Variants in SYNCRIP observed in about 807,000 individuals in gnomAD.
SYNCRIP encodes synaptotagmin binding cytoplasmic RNA interacting protein, also known as heterogeneous nuclear ribonucleoprotein Q.
A neutral mutation model predicts 68.9 loss-of-function variants in SYNCRIP; 9 were observed. That is an observed-to-expected ratio of 0.13 (90% CI 0.08 to 0.23). SYNCRIP has a LOEUF of 0.23. Ranked by LOEUF, SYNCRIP falls within the 10% of genes least tolerant of loss-of-function variation. The pLI is 1.00. For synonymous variants in SYNCRIP, 258 were observed against 254.0 expected, an observed-to-expected ratio of 1.02 and a Z score of -0.15; for missense variants, 414 against 770.6, an observed-to-expected ratio of 0.54 and a Z score of 5.48.
chr6:85,643,734 C>T (rs1193372447), upstream of SYNCRIP: 1 of 151,824 alleles, frequency 6.6e-6, no homozygotes, highest in African/African-American at 2.4e-5. Flanking sequence ...ACTGCCGCTT[C>T]CCGGAGGGCA....
intron 8 of SYNCRIP, among the ~76,000 whole-genome samples, chr6:85,621,517 G>A (rs1364650650): frequency 6.6e-6 from 1 of 151,652 alleles, no homozygotes; most frequent in Non-Finnish European, 1.5e-5. Flanking sequence ...GGAGGCTGAG[G>A]TGAGAAGATC....
chr6:85,617,917 C>T (rs979061390), intron 10 of SYNCRIP, among the ~76,000 whole-genome samples: 2 of 152,194 alleles, frequency 1.3e-5, no homozygotes, highest in Admixed American at 6.5e-5. Flanking sequence ...ACTAAGTTTC[C>T]TTCAGTCTTA....
chr6:85,635,470 C>T (rs1466108118), intron 6 of SYNCRIP, among the ~76,000 whole-genome samples: 3 of 152,068 alleles, frequency 2.0e-5, no homozygotes, highest in African/African-American at 4.8e-5. Context: ...ATTCACACAA[C>T]ATAGAAAAGG....
chr6:85,640,231 G>A lies in SYNCRIP; in HGVS notation c.365C>T (p.Ala122Val), dbSNP rs1402100488. The part of the protein sequence containing the change: ...VADSSKGPDE[A>V]KIKALLERTG... The stretch of plus-strand genomic sequence containing the variant: ...TATAGAAAGACATACCTTAATTTTT[G>A]CCTCATCTGGTCCTTTACTAGAATC... Residue 122 changes from alanine to valine, a missense_variant, in exon 4 of 11, where the codon GCA (alanine) becomes GTA (valine). By Grantham distance (64) the Ala-to-Val change is moderately conservative. Transcript: ENST00000369622. The A allele has an allele frequency of 2.5e-6, 4 of 1,611,000 alleles. No homozygotes were observed. Among genetic ancestry groups the A allele is most frequent in the Non-Finnish European group, 3.4e-6 (4 of 1,177,894 alleles).
chr6:85,623,583 A>AAAAAAAAAAAAAC (rs1562087872), intron 7 of SYNCRIP, among the ~76,000 whole-genome samples: 1 of 143,892 alleles, frequency 6.9e-6, no homozygotes, highest in African/African-American at 2.5e-5. Context: ...AAAAAAAAAA[A>AAAAAAAAAAAAAC]CACTCTGCTA....
chr6:85,628,117 G>A (rs781168898), intron 6 of SYNCRIP, among the ~76,000 whole-genome samples: 8 of 151,970 alleles, frequency 5.3e-5, no homozygotes, highest in South Asian at 2.1e-4. Flanking sequence ...GTACAGTGAC[G>A]CGACTTCAGC....
chr6:85,634,423 A>G (rs1808197968), intron 6 of SYNCRIP, among the ~76,000 whole-genome samples: 1 of 152,218 alleles, frequency 6.6e-6, no homozygotes, highest in African/African-American at 2.4e-5. Flanking sequence ...AATGTTAAAA[A>G]ATGGATGACA....
chr6:85,618,791 ATT>A, intron 10 of SYNCRIP, 25 bp downstream of exon 10: 1 of 1,544,984 alleles, frequency 6.5e-7, no homozygotes, highest in East Asian at 2.4e-5. Context: ...AATTTATACA[ATT>A]TTTAAGTATA....
At chr6:85,635,106 A>G (rs944863446) in intron 6 of SYNCRIP, among the ~76,000 whole-genome samples, 2 of 152,170 alleles carry the variant, frequency 1.3e-5, no homozygotes, top group African/African-American at 4.8e-5. Context: ...CAGAGATTAC[A>G]GTGAGCCAAG....
intron 1 of SYNCRIP, among the ~76,000 whole-genome samples, chr6:85,642,596 C>A (rs1344213598): frequency 2.0e-5 from 3 of 152,220 alleles, no homozygotes; most frequent in Non-Finnish European, 4.4e-5. Flanking sequence ...CAGACAAAGC[C>A]CGAACCGCAG....
At chr6:85,621,814 G>C (rs1806444524) in intron 8 of SYNCRIP, among the ~76,000 whole-genome samples, 2 of 150,754 alleles carry the variant, frequency 1.3e-5, no homozygotes, top group Admixed American at 1.3e-4. Context: ...TTAGTAGTAA[G>C]ACTTTTAACC....
chr6:85,620,063 A>C (rs958129611), intron 8 of SYNCRIP, among the ~76,000 whole-genome samples: 4 of 152,148 alleles, frequency 2.6e-5, no homozygotes, highest in Non-Finnish European at 4.4e-5. Flanking sequence ...CCTGGCCAAC[A>C]CAGTAACACC....
chr6:85,628,586 T>C (rs1308693870), intron 6 of SYNCRIP, among the ~76,000 whole-genome samples: 1 of 152,178 alleles, frequency 6.6e-6, no homozygotes, highest in Non-Finnish European at 1.5e-5. Context: ...AACACAATAC[T>C]GTAAACGCAG....
At chr6:85,640,697 AAAC>A (rs959366518) in intron 2 of SYNCRIP, 133 bp from the exon 3 acceptor site, 1 of 556,108 alleles carries the variant, frequency 1.8e-6, no homozygotes, top group African/African-American at 1.9e-5. Flanking sequence ...GAAAAAAAAA[AAAC>A]ACACACTTCA....
chr6:85,616,763 G>GA (rs1276442035), intron 10 of SYNCRIP, among the ~76,000 whole-genome samples: 4 of 152,128 alleles, frequency 2.6e-5, no homozygotes, highest in African/African-American at 9.7e-5. Context: ...TTGTTTTGAG[G>GA]AAATGATGGA....
chr6:85,638,105 G>C (rs1040602182), intron 4 of SYNCRIP, among the ~76,000 whole-genome samples: 2 of 152,226 alleles, frequency 1.3e-5, no homozygotes, highest in African/African-American at 4.8e-5. Flanking sequence ...TGGGTGCAGT[G>C]GCTCACACCT....
At chr6:85,616,046 C>G (rs763295207) in intron 10 of SYNCRIP, among the ~76,000 whole-genome samples, 1 of 152,158 alleles carries the variant, frequency 6.6e-6, no homozygotes, top group Non-Finnish European at 1.5e-5. Context: ...ATAAACTACA[C>G]CGTAACTATA....
intron 7 of SYNCRIP, among the ~76,000 whole-genome samples, chr6:85,623,579 A>AAAAAAAAAAAAAAAACAAAAAAAAAAAAC (rs1554184894): frequency 1.8e-4 from 23 of 125,860 alleles, no homozygotes; most frequent in South Asian, 1.5e-3. Flanking sequence ...AAAAAAAAAA[A>AAAAAAAAAAAAAAAACAAAAAAAAAAAAC]AAAACACTCT....
At position 85,618,808 on chromosome 6, in the gene SYNCRIP, T is replaced by C. The variant is rs1353964571; in HGVS notation, c.1280+10A>G. On this transcript the variant is annotated intron_variant, in intron 10 of 10. Coordinates refer to ENST00000369622, the MANE Select transcript of SYNCRIP (RefSeq NM_006372.5). ...TTTATACAATTTTTAAGTATACAAA[T>C]TTCACTCACATTTGATTTTTTGCTG... The C allele has an allele frequency of 1.3e-6, 2 of 1,585,074 alleles. No individual in the cohort carries two copies. Among genetic ancestry groups the C allele is most frequent in the Admixed American group, 3.5e-5 (2 of 56,654 alleles).
Sources: allele counts gnomAD v4.1 joint callset (sites outside exome capture counted in the v4.1 genomes callset), GRCh38; gene constraint gnomAD v4.1.1; transcripts MANE v1.5; gene names NCBI Gene and HGNC (gene_info 2026-07-23, HGNC 2026-07-21).